The following PRELID2 variants were observed in gnomAD, a reference collection of about 807,000 sequenced individuals.
PRELID2 encodes the protein PRELI domain-containing protein 2.
Under a neutral mutation model 28.4 loss-of-function variants are expected in PRELID2, and 25 were observed. The ratio of observed to expected loss-of-function variants is 0.88; its 90% confidence interval spans 0.64 to 1.23. The LOEUF (loss-of-function observed/expected upper bound fraction) is 1.23, where lower values mean the gene tolerates loss of function less well. Among genes scored for constraint, PRELID2 ranks in the 50% most tolerant of loss-of-function variants. The pLI is 0.00. For missense variants in PRELID2, 201 were observed against 214.4 expected, an observed-to-expected ratio of 0.94 and a Z score of 0.39; for synonymous variants, 76 against 71.6, an observed-to-expected ratio of 1.06 and a Z score of -0.31.
chr5:145,743,835 G>A (rs182280297), intron 1 of PRELID2, among the ~76,000 whole-genome samples: 88 of 152,342 alleles, frequency 5.8e-4, no homozygotes, highest in Admixed American at 3.1e-3. Context: ...CACCATCATA[G>A]CTGCAGCTGC....
At chr5:145,779,459 CTATT>C (rs1198433492) in intron 5 of PRELID2, among the ~76,000 whole-genome samples, 1 of 151,782 alleles carries the variant, frequency 6.6e-6, no homozygotes, top group Non-Finnish European at 1.5e-5. Context: ...TATTATATAA[CTATT>C]TAATGAAATA....
chr5:145,701,149 C>T (rs1755397193), intron 1 of PRELID2, among the ~76,000 whole-genome samples: 1 of 152,144 alleles, frequency 6.6e-6, no homozygotes, highest in African/African-American at 2.4e-5. Flanking sequence ...TGTGATTCTC[C>T]CCATTTCACA....
At chr5:145,483,809 G>A (rs1037700224) in intron 1 of PRELID2, among the ~76,000 whole-genome samples, 10 of 152,254 alleles carry the variant, frequency 6.6e-5, no homozygotes, top group East Asian at 1.9e-4. Context: ...TAAATCGGCC[G>A]AAGTGCTTAA....
Position 145,757,373 on chromosome 5 carries a change from G to A in PRELID2, c.*3163C>T, listed in dbSNP as rs1039134489. On this transcript the variant is annotated 3_prime_UTR_variant, in exon 7 of 7. Coordinates refer to ENST00000683046, the MANE Select transcript of PRELID2 (RefSeq NM_205846.3). ...CCTGAATGATCAACTGAAATTCCACGAATCAGAATCGCTGGGGAAAGGGAC... is the reference window on the plus strand; with the variant it reads ...CCTGAATGATCAACTGAAATTCCACAAATCAGAATCGCTGGGGAAAGGGAC... 3.9e-5 allele frequency among the ~76,000 whole-genome samples: 6 copies of A among 152,152 alleles called. No individual in the cohort carries two copies. The highest frequency in any genetic ancestry group is 1.4e-4 in the African/African-American group (6 of 41,438).
chr5:145,330,851 T>C, the PRELID2 span, among the ~76,000 whole-genome samples: 1 of 152,152 alleles, frequency 6.6e-6, no homozygotes, highest in East Asian at 1.9e-4. Flanking sequence ...CTTTAGTTCT[T>C]TTAATTGTGA....
At chr5:145,311,643 C>T in the PRELID2 span, among the ~76,000 whole-genome samples, 1 of 152,134 alleles carries the variant, frequency 6.6e-6, no homozygotes, top group East Asian at 1.9e-4. Flanking sequence ...TAAGCAATAA[C>T]ACCAATTCCA....
intron 2 of PRELID2, 63 bp downstream of exon 2, chr5:145,823,014 C>T: frequency 1.1e-6 from 1 of 907,840 alleles, no homozygotes. Context: ...CACGTACACA[C>T]ATCTTTACAA....
the PRELID2 span, among the ~76,000 whole-genome samples, chr5:145,257,112 T>C: frequency 6.6e-6 from 1 of 151,964 alleles, no homozygotes; most frequent in African/African-American, 2.4e-5. Flanking sequence ...ATTCTTAATG[T>C]ACTATATAAT....
intron 1 of PRELID2, among the ~76,000 whole-genome samples, chr5:145,564,223 C>T (rs1293719719): frequency 6.6e-6 from 1 of 152,192 alleles, no homozygotes; most frequent in Admixed American, 6.5e-5. Flanking sequence ...CAAAAAGCAT[C>T]AAGGATCAGC....
At chr5:145,648,067 A>T (rs1159120212) in intron 1 of PRELID2, among the ~76,000 whole-genome samples, 1 of 152,228 alleles carries the variant, frequency 6.6e-6, no homozygotes, top group Non-Finnish European at 1.5e-5. Flanking sequence ...CATTTTGGTA[A>T]GGAATGAGTA....
chr5:145,255,322 C>T, the PRELID2 span, among the ~76,000 whole-genome samples: 1 of 151,178 alleles, frequency 6.6e-6, no homozygotes, highest in Non-Finnish European at 1.5e-5. Flanking sequence ...AAAAAAAATA[C>T]ACAGAAAGGA....
intron 1 of PRELID2, among the ~76,000 whole-genome samples, chr5:145,493,952 T>A (rs1230266435): frequency 2.6e-5 from 4 of 152,222 alleles, no homozygotes; most frequent in Non-Finnish European, 5.9e-5. Flanking sequence ...TCCTTGAGGC[T>A]AGGCACCATA....
chr5:145,583,921 G>A (rs1040571646), intron 1 of PRELID2, among the ~76,000 whole-genome samples: 14 of 151,668 alleles, frequency 9.2e-5, no homozygotes, highest in East Asian at 1.9e-4. Flanking sequence ...CAGTCATCAC[G>A]GAATTAGAAA....
At chr5:145,467,058 G>C (rs2910270), downstream of PRELID2, among the ~76,000 whole-genome samples, 96,656 of 151,996 alleles carry the variant, frequency 0.64, 31,431 homozygotes, top group Non-Finnish European at 0.7. Flanking sequence ...TAATGCCCAC[G>C]AGCATCTCCC....
At chr5:145,734,163 T>G (rs1166166857) in intron 1 of PRELID2, among the ~76,000 whole-genome samples, 1 of 152,128 alleles carries the variant, frequency 6.6e-6, no homozygotes, top group Non-Finnish European at 1.5e-5. Flanking sequence ...TCACCCAGGC[T>G]GGAGTGCAGT....
chr5:145,551,417 T>G (rs1172682373), intron 1 of PRELID2, among the ~76,000 whole-genome samples: 1 of 151,126 alleles, frequency 6.6e-6, no homozygotes. Flanking sequence ...AATAAATAAA[T>G]AAATAAATAA....
At chr5:145,608,066 A>G (rs1753534384) in intron 1 of PRELID2, among the ~76,000 whole-genome samples, 1 of 151,356 alleles carries the variant, frequency 6.6e-6, no homozygotes, top group Non-Finnish European at 1.5e-5. Flanking sequence ...TGAAATTAAA[A>G]TAGTAAACCC....
At chr5:145,406,472 T>TTTTTG in the PRELID2 span, among the ~76,000 whole-genome samples, 1 of 152,162 alleles carries the variant, frequency 6.6e-6, no homozygotes, top group African/African-American at 2.4e-5. Flanking sequence ...AATTAACAAG[T>TTTTTG]TTTTGTTTTG....
intron 1 of PRELID2, among the ~76,000 whole-genome samples, chr5:145,672,058 T>A (rs886260152): frequency 9.9e-5 from 15 of 152,172 alleles, no homozygotes; most frequent in Admixed American, 7.2e-4. Flanking sequence ...TGTTCACTTT[T>A]CTTTCTTCTC....
Sources: allele counts gnomAD v4.1 joint callset (sites outside exome capture counted in the v4.1 genomes callset), GRCh38; gene constraint gnomAD v4.1.1; transcripts MANE v1.5; gene names NCBI Gene and HGNC (gene_info 2026-07-23, HGNC 2026-07-21).